SAMMSON: variants seen among roughly 807,000 people sequenced by gnomAD.
SAMMSON encodes survival associated mitochondrial melanoma specific oncogenic non-coding RNA, also known as long intergenic non-protein coding RNA 1212.
At chr3:70,153,450 A>G (rs961044957) in intron 4 of SAMMSON, among the ~76,000 whole-genome samples, 1 of 151,926 alleles carries the variant, frequency 6.6e-6, no homozygotes, top group Admixed American at 6.6e-5. Context: ...CCACTGAGGA[A>G]TGTTTTTGTG....
chr3:70,278,730 G>A (rs1702052254), intron 6 of SAMMSON, among the ~76,000 whole-genome samples: 1 of 152,104 alleles, frequency 6.6e-6, no homozygotes, highest in African/African-American at 2.4e-5. Context: ...TGAAATCAGA[G>A]ACATCTAAGT....
intron 6 of SAMMSON, among the ~76,000 whole-genome samples, chr3:70,255,618 A>G (rs1418141926): frequency 6.6e-6 from 1 of 151,802 alleles, no homozygotes; most frequent in Non-Finnish European, 1.5e-5. Context: ...TGCACCACCA[A>G]GCCTGGCTAT....
chr3:70,069,088 GC>G (rs1448462405), intron 3 of SAMMSON: 2 of 152,130 alleles, frequency 1.3e-5, no homozygotes, highest in Non-Finnish European at 2.9e-5. Flanking sequence ...TTGCGGGGAT[GC>G]CTACTGTGGT....
intron 4 of SAMMSON, among the ~76,000 whole-genome samples, chr3:70,092,907 T>TA (rs549561614): frequency 6.6e-6 from 1 of 150,718 alleles, no homozygotes; most frequent in African/African-American, 2.4e-5. Context: ...TTTTTGTTTT[T>TA]TTTTTTTTGT....
intron 3 of SAMMSON, among the ~76,000 whole-genome samples, chr3:70,021,804 T>C (rs2067014327): frequency 6.6e-6 from 1 of 152,192 alleles, no homozygotes; most frequent in South Asian, 2.1e-4. Flanking sequence ...ATCTGTTTTT[T>C]TGGAAGCAAA....
rs1359306573 is a variant in SAMMSON, at chr3:70,399,877, A to AC, written n.233+41554dup. 2.0e-3 allele frequency among the ~76,000 whole-genome samples: 297 copies of AC among 149,102 alleles called. 2 individuals carry two copies. The highest frequency in any genetic ancestry group is 0.013 in the East Asian group (65 of 5,144). ...CTCAAAAAAAAAAAACAAAAAAAAA[A>AC]CAAAAAAACCCACCAAACCAAAACA... On this transcript the variant is annotated intron_variant and non_coding_transcript_variant, in intron 2 of 3. Coordinates refer to the SAMMSON transcript ENST00000641053.
At chr3:70,132,942 A>AG (rs1401411485) in intron 4 of SAMMSON, among the ~76,000 whole-genome samples, 1 of 152,168 alleles carries the variant, frequency 6.6e-6, no homozygotes, top group African/African-American at 2.4e-5. Context: ...GTTTGCTACC[A>AG]GGTGAATGGT....
chr3:70,379,716 A>T lies in SAMMSON; in HGVS notation n.914-9858A>T, dbSNP rs375035309. Among the ~76,000 whole-genome samples, 36 of 152,304 alleles carry T rather than the reference A, an allele frequency of 2.4e-4. No homozygotes were observed. The South Asian group carries it at 7.3e-3, about 31-fold the overall frequency. ...CTTATAGCTTTCCCAGCAGCTTAGC[A>T]AAAAATTCCTTTACTGAAGACGAGT... On this transcript the variant is annotated intron_variant and non_coding_transcript_variant, in intron 9 of 9. Coordinates refer to ENST00000642114, the Ensembl canonical transcript of SAMMSON.
intron 2 of SAMMSON, among the ~76,000 whole-genome samples, chr3:70,411,193 C>T (rs1439407702): frequency 6.6e-6 from 1 of 152,150 alleles, no homozygotes; most frequent in East Asian, 1.9e-4. Context: ...GCCAAGTTAT[C>T]TTGACTAAAA....
chr3:70,206,431 A>G (rs1453743883), intron 4 of SAMMSON: 1 of 393,716 alleles, frequency 2.5e-6, no homozygotes, highest in East Asian at 3.6e-5. Flanking sequence ...TATGTCATTC[A>G]CCAGAGTTTT....
intron 6 of SAMMSON, among the ~76,000 whole-genome samples, chr3:70,264,727 C>CA (rs1158580696): frequency 6.6e-6 from 1 of 152,108 alleles, no homozygotes; most frequent in Non-Finnish European, 1.5e-5. Context: ...AATTCTTGGA[C>CA]AAATATTAAA....
chr3:70,207,857 T>C (rs2106725639), intron 4 of SAMMSON, among the ~76,000 whole-genome samples: 1 of 152,006 alleles, frequency 6.6e-6, no homozygotes, highest in African/African-American at 2.4e-5. Context: ...TGGAACCAGT[T>C]CCCCTCAGAC....
intron 4 of SAMMSON, among the ~76,000 whole-genome samples, chr3:70,111,199 G>A (rs1218138686): frequency 1.3e-5 from 2 of 152,146 alleles, no homozygotes; most frequent in African/African-American, 4.8e-5. Flanking sequence ...CAATACAACA[G>A]TTAGTGAAGG....
At chr3:70,071,449 G>C (rs1232230897) in intron 3 of SAMMSON, 4 of 151,916 alleles carry the variant, frequency 2.6e-5, no homozygotes, top group Non-Finnish European at 4.4e-5. Flanking sequence ...AAGTTATGCT[G>C]GTTTTTTTTT....
chr3:70,168,453 C>T (rs954518116), intron 4 of SAMMSON, among the ~76,000 whole-genome samples: 1 of 151,974 alleles, frequency 6.6e-6, no homozygotes, highest in African/African-American at 2.4e-5. Context: ...TAAACTGGAT[C>T]ATGGTAAATT....
Position 70,236,935 on chromosome 3 carries a change from G to C in SAMMSON, n.508-12172G>C, listed in dbSNP as rs551719963. 4.9e-4 allele frequency among the ~76,000 whole-genome samples: 74 copies of C among 152,224 alleles called. No individual in the cohort carries two copies. The South Asian group carries it at 9.1e-3, about 19-fold the overall frequency. ...TATGTAAAAAATATTTCTTTATTAA[G>C]CAAGTCACATGTAGGTAAGTTTCTA... On this transcript the variant is annotated intron_variant and non_coding_transcript_variant, in intron 4 of 9. Transcript: ENST00000642114.
intron 4 of SAMMSON, among the ~76,000 whole-genome samples, chr3:70,231,691 G>C (rs1391627483): frequency 6.6e-6 from 1 of 152,068 alleles, no homozygotes; most frequent in Non-Finnish European, 1.5e-5. Flanking sequence ...AGCCACACAC[G>C]CAGAGAGACA....
chr3:70,028,089 C>T (rs928717743), intron 3 of SAMMSON, among the ~76,000 whole-genome samples: 1 of 143,100 alleles, frequency 7.0e-6, no homozygotes, highest in South Asian at 2.1e-4. Flanking sequence ...TCCTTCTTTC[C>T]TTCCTTCCTT....
intron 7 of SAMMSON, among the ~76,000 whole-genome samples, chr3:70,333,760 G>A (rs988919886): frequency 6.6e-6 from 1 of 152,166 alleles, no homozygotes; most frequent in Non-Finnish European, 1.5e-5. Flanking sequence ...TCTTAGTCCT[G>A]CTTAAACCCC....
Sources: allele counts gnomAD v4.1 joint callset (sites outside exome capture counted in the v4.1 genomes callset), GRCh38; gene constraint gnomAD v4.1.1; transcripts MANE v1.5; gene names NCBI Gene and HGNC (gene_info 2026-07-23, HGNC 2026-07-21).